Variants in WASF3 observed in about 807,000 individuals in gnomAD.
WASF3 encodes the protein actin-binding protein WASF3.
In WASF3, 11 loss-of-function variants were observed where a neutral mutation model predicts 46.6. That is an observed-to-expected ratio of 0.24 (90% CI 0.15 to 0.39). WASF3 has a LOEUF of 0.39. Ranked by LOEUF, WASF3 falls within the 10% of genes least tolerant of loss-of-function variation. The probability of loss-of-function intolerance (pLI) is 1.00; values close to 1 mark genes in which losing one functional copy is unlikely to be tolerated. For missense variants in WASF3, 576 were observed against 669.8 expected, an observed-to-expected ratio of 0.86 and a Z score of 1.55; for synonymous variants, 242 against 259.7, an observed-to-expected ratio of 0.93 and a Z score of 0.65.
chr13:26,540,668 G>A, the WASF3 span, among the ~76,000 whole-genome samples: 3 of 152,328 alleles, frequency 2.0e-5, no homozygotes, highest in Middle Eastern at 3.4e-3. Flanking sequence ...TACACTTGGG[G>A]GCCCCTTGCC....
intron 1 of WASF3, among the ~76,000 whole-genome samples, chr13:26,564,128 G>C (rs1297270643): frequency 1.3e-5 from 2 of 152,170 alleles, no homozygotes; most frequent in African/African-American, 4.8e-5. Flanking sequence ...CTGAGGCACT[G>C]TTCTAGTTAG....
chr13:26,623,009 G>A (rs780772729), intron 2 of WASF3, among the ~76,000 whole-genome samples: 5 of 152,204 alleles, frequency 3.3e-5, no homozygotes. Context: ...AAACCCATCT[G>A]AGAGTAGACA....
upstream of WASF3, among the ~76,000 whole-genome samples, chr13:26,556,258 A>G (rs1879095557): frequency 1.3e-5 from 2 of 152,260 alleles, no homozygotes; most frequent in African/African-American, 4.8e-5. Flanking sequence ...AAATATGATT[A>G]GCAACCTTGA....
In WASF3 at chr13:26,643,389, G is replaced by T. The variant is rs17449738; in HGVS notation, c.133+986G>T. Among the ~76,000 whole-genome samples the T allele has an allele frequency of 9.1e-3, 1,379 of 152,082 alleles. 10 individuals carry two copies. Among genetic ancestry groups the T allele is most frequent in the African/African-American group, 0.017 (723 of 41,488 alleles). On this transcript the variant is annotated intron_variant, in intron 3 of 9. Coordinates refer to ENST00000335327, the MANE Select transcript of WASF3 (RefSeq NM_006646.6). Reference sequence around the variant, plus strand: ...TTATTTATCTTGAAGAAACGCTGCAGGTAAGTATTGGTTTCTTTAATAGAG... The same window carrying T: ...TTATTTATCTTGAAGAAACGCTGCATGTAAGTATTGGTTTCTTTAATAGAG...
chr13:26,660,561 C>T (rs550444615), intron 3 of WASF3, among the ~76,000 whole-genome samples: 28 of 151,678 alleles, frequency 1.8e-4, no homozygotes, highest in Non-Finnish European at 3.4e-4. Context: ...GGGAAAGGGG[C>T]GAGGACAGAG....
intron 2 of WASF3, 50 bp from the exon 3 acceptor site, chr13:26,642,211 T>G: frequency 7.0e-7 from 1 of 1,427,464 alleles, no homozygotes; most frequent in Non-Finnish European, 9.2e-7. Context: ...AATTCCAGAT[T>G]TGTTAAAATG....
At chr13:26,585,625 A>G (rs1014903417) in intron 1 of WASF3, among the ~76,000 whole-genome samples, 9 of 152,152 alleles carry the variant, frequency 5.9e-5, no homozygotes, top group Non-Finnish European at 7.4e-5. Context: ...TGCCTTTCAT[A>G]TAGTAGGGGC....
At chr13:26,664,105 G>T (rs184476913) in intron 3 of WASF3, among the ~76,000 whole-genome samples, 152 of 152,346 alleles carry the variant, frequency 1.0e-3, no homozygotes, top group African/African-American at 3.5e-3. Context: ...GAAAGTGGCT[G>T]TGAAAGCAGC....
chr13:26,542,991 G>A, the WASF3 span, among the ~76,000 whole-genome samples: 2 of 152,222 alleles, frequency 1.3e-5, no homozygotes, highest in African/African-American at 4.8e-5. Flanking sequence ...CTAAAGAAGA[G>A]GGAGTATGTT....
At chr13:26,589,006 CT>C (rs1880213646) in intron 1 of WASF3, among the ~76,000 whole-genome samples, 1 of 151,932 alleles carries the variant, frequency 6.6e-6, no homozygotes, top group Non-Finnish European at 1.5e-5. Context: ...GTTGCCGAGG[CT>C]AGTCTCAAAC....
chr13:26,569,027 A>C (rs1879554749), intron 1 of WASF3, among the ~76,000 whole-genome samples: 1 of 152,088 alleles, frequency 6.6e-6, no homozygotes, highest in African/African-American at 2.4e-5. Context: ...TAATTAGTTG[A>C]AAAAATTGCT....
rs1200660485 is a variant in WASF3, at chr13:26,679,779, A to G, written c.717-1275A>G. Among the ~76,000 whole-genome samples the G allele has an allele frequency of 6.6e-6, 1 of 152,254 alleles. No homozygotes were observed. The highest frequency in any genetic ancestry group is 6.5e-5 in the Admixed American group (1 of 15,290). On this transcript the variant is annotated intron_variant, in intron 7 of 9. Coordinates refer to ENST00000335327, the MANE Select transcript of WASF3 (RefSeq NM_006646.6). This position sits in a 1 kb window ranked among gnomAD's most constrained non-coding sequence, Gnocchi z 4.8. The stretch of plus-strand genomic sequence containing the variant: ...TAGCAGCTCACCTAGTTCAAAAGAC[A>G]TAATCAGAAGTGCACCATAATCCAG...
intron 1 of WASF3, among the ~76,000 whole-genome samples, chr13:26,570,470 GTTTCT>G (rs1423250342): frequency 6.6e-6 from 1 of 151,792 alleles, no homozygotes; most frequent in Admixed American, 6.6e-5. Context: ...CACTTTTCTA[GTTTCT>G]TTTAAGACAG....
intron 1 of WASF3, among the ~76,000 whole-genome samples, chr13:26,592,892 C>T (rs1224078228): frequency 1.3e-5 from 2 of 152,156 alleles, no homozygotes; most frequent in East Asian, 3.9e-4. Context: ...TTTCTAAGGT[C>T]ATTTCTGTAA....
intron 1 of WASF3, among the ~76,000 whole-genome samples, chr13:26,573,078 A>G (rs1013756588): frequency 2.0e-5 from 3 of 152,142 alleles, no homozygotes; most frequent in Non-Finnish European, 4.4e-5. Context: ...TATAGGTTTG[A>G]TAGACTTGCC....
chr13:26,558,103 T>G (rs1330327481), intron 1 of WASF3, among the ~76,000 whole-genome samples: 2 of 151,654 alleles, frequency 1.3e-5, no homozygotes, highest in East Asian at 3.9e-4. Context: ...CCTCCGGGCC[T>G]CCGGCCCTTT....
chr13:26,681,308 C>T lies in WASF3; in HGVS notation c.971C>T (p.Pro324Leu), dbSNP rs1374360461. 6.3e-7 allele frequency: 1 copy of T among 1,598,558 alleles called. No individual in the cohort carries two copies. Among genetic ancestry groups the T allele is most frequent in the Admixed American group, 1.7e-5 (1 of 57,158 alleles). Residue 324 changes from proline to leucine, a missense_variant, in exon 8 of 10, where the codon CCA becomes CTA. Physicochemically the swap from Pro to Leu is moderately conservative, Grantham distance 98 (BLOSUM62 -3). Coordinates refer to ENST00000335327, the MANE Select transcript of WASF3 (RefSeq NM_006646.6). ...TCCCAGGCCTCTGCACCGATGGCTC[C>T]AGCAGACTACGGGTAACTCAGCATG... ...EGSQASAPMA[P>L]ADYGMLPAQI...
chr13:26,554,098 T>C (rs1346421420), upstream of WASF3, among the ~76,000 whole-genome samples: 7 of 105,740 alleles, frequency 6.6e-5, no homozygotes, highest in African/African-American at 3.0e-4. Context: ...CTTCCTTCCT[T>C]CTTTCTTTCT....
intron 2 of WASF3, chr13:26,640,284 A>G (rs1881956669): frequency 6.6e-6 from 1 of 152,108 alleles, no homozygotes; most frequent in South Asian, 2.1e-4. Context: ...ATGAAAATAT[A>G]TTCCAGTCAT....
Sources: gnomAD v4.1 joint callset for allele counts (sites outside exome capture counted in the v4.1 genomes callset) on GRCh38, gnomAD v4.1.1 for gene constraint, Gnocchi (gnomAD v3.1) non-coding constraint, MANE v1.5 for transcripts, NCBI Gene and HGNC (gene_info 2026-07-23, HGNC 2026-07-21) for gene names.